CTNNBL1: variants seen among roughly 807,000 people sequenced by gnomAD.
CTNNBL1 encodes catenin beta like 1, also known as beta-catenin-like protein 1.
In CTNNBL1, 31 loss-of-function variants were observed where a neutral mutation model predicts 72.7. That is an observed-to-expected ratio of 0.43 (90% confidence interval 0.32 to 0.58). CTNNBL1 has a LOEUF of 0.58. Among genes scored for constraint, CTNNBL1 ranks in the 20% least tolerant of loss-of-function variants. The probability of loss-of-function intolerance (pLI) is 0.08; values close to 1 mark genes in which losing one functional copy is unlikely to be tolerated. For missense variants in CTNNBL1, 534 were observed against 725.1 expected (o/e 0.74, Z 3.03); for synonymous variants, 240 against 267.3 (o/e 0.90, Z 1.00).
At chr20:37,700,923 A>C (rs1394076571) in intron 1 of CTNNBL1, among the ~76,000 whole-genome samples, 1 of 152,224 alleles carries the variant, frequency 6.6e-6, no homozygotes, top group African/African-American at 2.4e-5. Context: ...CTTGGATTGC[A>C]GGAGCTTACA....
intron 15 of CTNNBL1, among the ~76,000 whole-genome samples, chr20:37,867,890 T>G (rs909770): frequency 0.75 from 114,041 of 151,954 alleles, 42,943 homozygotes; most frequent in East Asian, 0.85. Flanking sequence ...AAGGGTGAGG[T>G]TGAGGTGCCT....
At chr20:37,820,766 A>G (rs2072100215) in intron 11 of CTNNBL1, among the ~76,000 whole-genome samples, 1 of 152,180 alleles carries the variant, frequency 6.6e-6, no homozygotes, top group Admixed American at 6.5e-5. Context: ...AGCCAGGCAG[A>G]ACTGTCCATC....
chr20:37,846,307 G>A (rs142687142), intron 13 of CTNNBL1, among the ~76,000 whole-genome samples: 1 of 152,246 alleles, frequency 6.6e-6, no homozygotes, highest in African/African-American at 2.4e-5. Context: ...CCAAGTGAAG[G>A]GGGAGAGAAG....
intron 13 of CTNNBL1, among the ~76,000 whole-genome samples, chr20:37,853,902 A>G (rs568124422): frequency 6.6e-6 from 1 of 152,370 alleles, no homozygotes; most frequent in Admixed American, 6.5e-5. Context: ...GACAACAGTC[A>G]ACTTCACTGC....
chr20:37,821,333 C>T (rs1034806873), intron 11 of CTNNBL1, among the ~76,000 whole-genome samples: 4 of 152,158 alleles, frequency 2.6e-5, no homozygotes, highest in Admixed American at 2.0e-4. Context: ...ATGCCTTACG[C>T]GTGGGGGTGG....
intron 13 of CTNNBL1, among the ~76,000 whole-genome samples, chr20:37,858,076 A>T (rs1349622691): frequency 6.6e-6 from 1 of 152,234 alleles, no homozygotes; most frequent in Admixed American, 6.5e-5. Flanking sequence ...ATGCACCTGT[A>T]GTCCTAGCTA....
chr20:37,714,913 G>T (rs1303993226), intron 1 of CTNNBL1, among the ~76,000 whole-genome samples: 4 of 152,056 alleles, frequency 2.6e-5, no homozygotes, highest in Admixed American at 6.5e-5. Flanking sequence ...GTGGTTATTT[G>T]TCCAGGGTCA....
At chr20:37,818,918 T>C (rs1431909358) in intron 11 of CTNNBL1, among the ~76,000 whole-genome samples, 2 of 152,224 alleles carry the variant, frequency 1.3e-5, no homozygotes, top group African/African-American at 4.8e-5. Flanking sequence ...TAATATACTT[T>C]TCATATGTCA....
intron 11 of CTNNBL1, among the ~76,000 whole-genome samples, chr20:37,826,199 A>G (rs1337254968): frequency 6.6e-5 from 10 of 152,266 alleles, no homozygotes; most frequent in Non-Finnish European, 5.9e-5. Context: ...CTAAGCATAC[A>G]TACTCACTTC....
At chr20:37,761,975 C>A (rs2073421482) in intron 5 of CTNNBL1, among the ~76,000 whole-genome samples, 1 of 152,182 alleles carries the variant, frequency 6.6e-6, no homozygotes, top group African/African-American at 2.4e-5. Context: ...AGGGCCAGAC[C>A]ACGCTGGGCT....
intron 15 of CTNNBL1, among the ~76,000 whole-genome samples, chr20:37,869,108 G>A (rs2072560947): frequency 6.6e-6 from 1 of 152,238 alleles, no homozygotes; most frequent in South Asian, 2.1e-4. Flanking sequence ...ACCACTTGCT[G>A]TTGGAGGTGA....
intron 10 of CTNNBL1, among the ~76,000 whole-genome samples, chr20:37,799,240 G>GT (rs1319954602): frequency 6.6e-6 from 1 of 152,122 alleles, no homozygotes; most frequent in African/African-American, 2.4e-5. Flanking sequence ...CTTCTAAAAT[G>GT]TATCTGTCCA....
chr20:37,827,132 A>G (rs947541373), intron 11 of CTNNBL1, among the ~76,000 whole-genome samples: 2 of 152,196 alleles, frequency 1.3e-5, no homozygotes, highest in East Asian at 1.9e-4. Flanking sequence ...TTCACTCAGC[A>G]TACTGTTTTT....
intron 3 of CTNNBL1, 50 bp from the exon 4 acceptor site, chr20:37,746,418 T>C: frequency 6.3e-7 from 1 of 1,592,594 alleles, no homozygotes; most frequent in African/African-American, 1.3e-5. Context: ...TTGCTCCTCA[T>C]TGCTGATAGT....
At chr20:37,719,621 C>T (rs995081868) in intron 1 of CTNNBL1, among the ~76,000 whole-genome samples, 1 of 152,186 alleles carries the variant, frequency 6.6e-6, no homozygotes, top group Admixed American at 6.5e-5. Context: ...ATCTCCCCTT[C>T]ATGTTCACAA....
intron 15 of CTNNBL1, among the ~76,000 whole-genome samples, chr20:37,861,824 G>T (rs541715682): frequency 4.6e-5 from 7 of 152,186 alleles, no homozygotes; most frequent in Non-Finnish European, 8.8e-5. Context: ...GTTAGTGTGA[G>T]TGTTACAAAA....
rs377158459 is a variant in CTNNBL1, at chr20:37,704,682, G to A, written c.30+10530G>A. On this transcript the variant is annotated intron_variant, in intron 1 of 15. Coordinates refer to ENST00000361383, the MANE Select transcript of CTNNBL1 (RefSeq NM_030877.5). The stretch of plus-strand genomic sequence containing the variant: ...GCGGTGATCACACCACTGCACTCCA[G>A]CCTGGATGACAGAGCTAGATCCTGT... 2.6e-5 allele frequency among the ~76,000 whole-genome samples: 4 copies of A among 152,026 alleles called. No homozygotes were observed. In the East Asian group the frequency reaches 5.8e-4, roughly 22 times the overall value.
chr20:37,830,128 A>T (rs1468216038), intron 11 of CTNNBL1, among the ~76,000 whole-genome samples: 2 of 151,124 alleles, frequency 1.3e-5, no homozygotes, highest in African/African-American at 4.9e-5. Context: ...GCCAACTGTA[A>T]TTTTTTTTTT....
At chr20:37,791,496 A>G (rs868801029) in intron 10 of CTNNBL1, among the ~76,000 whole-genome samples, 2 of 152,044 alleles carry the variant, frequency 1.3e-5, no homozygotes, top group Non-Finnish European at 2.9e-5. Flanking sequence ...TTTGCCATCC[A>G]TATATCTTTT....
Sources: gnomAD v4.1 joint callset for allele counts (sites outside exome capture counted in the v4.1 genomes callset) on GRCh38, gnomAD v4.1.1 for gene constraint, MANE v1.5 for transcripts, NCBI Gene and HGNC (gene_info 2026-07-23, HGNC 2026-07-21) for gene names.